Variants in ASB3 observed in about 807,000 individuals in gnomAD.
ASB3 encodes the protein ankyrin repeat and SOCS box containing 3, also known as ankyrin repeat and SOCS box protein 3.
Under a neutral mutation model 54.5 loss-of-function variants are expected in ASB3, and 41 were observed. That is an observed-to-expected ratio of 0.75 (90% CI 0.59 to 0.98). ASB3 has a LOEUF of 0.98. Among genes scored for constraint, ASB3 ranks in the 50% least tolerant of loss-of-function variants. The pLI is 0.00. For synonymous variants in ASB3, 266 were observed against 221.2 expected (o/e 1.20, Z -1.80); for missense variants, 733 against 620.0 (o/e 1.18, Z -1.94).
chr2:53,724,414 C>T (rs548372017), intron 5 of ASB3, among the ~76,000 whole-genome samples: 102 of 152,050 alleles, frequency 6.7e-4, no homozygotes, highest in African/African-American at 2.0e-3. Flanking sequence ...CTGGCTAACA[C>T]GGTGAAAACC....
In ASB3 at chr2:53,671,845, A is replaced by G. The variant is rs1483702546; in HGVS notation, c.1370-1155T>C. 4.3e-5 allele frequency among the ~76,000 whole-genome samples: 5 copies of G among 116,380 alleles called. 1 individual carries two copies. The highest frequency in any genetic ancestry group is 1.0e-4 in the Non-Finnish European group (5 of 49,640). The allele number at this position is 116,380 out of a possible 152,430, so 76.3% of individuals were successfully genotyped here. On this transcript the variant is annotated intron_variant, in intron 9 of 9. Transcript: ENST00000263634. ...AATAAAGAAGTTAATGTCTGCTTTT[A>G]TGTGAATCGGACCAAAGCCTTTTGT...
chr2:53,685,613 T>C (rs538583281), intron 9 of ASB3, among the ~76,000 whole-genome samples: 1 of 152,290 alleles, frequency 6.6e-6, no homozygotes, highest in Admixed American at 6.5e-5. Context: ...TCCAAAGAAA[T>C]ATATGTGGTA....
At position 53,710,038 on chromosome 2, in the gene ASB3, C is replaced by T. The variant is rs572703728; in HGVS notation, c.980+4346G>A. 4.3e-4 allele frequency among the ~76,000 whole-genome samples: 65 copies of T among 152,292 alleles called. 1 individual carries two copies. The South Asian group carries it at 4.6e-3, about 11-fold the overall frequency. On this transcript the variant is annotated intron_variant, in intron 7 of 9. Transcript: ENST00000263634. ...TCAGTGAGCCTCTGTGGAAGTTGAT[C>T]CCCTGGCTCCTGTCAAGCTTGCTAA... is the stretch of plus-strand genomic sequence containing the variant.
At chr2:53,680,380 T>C (rs1433596814) in intron 9 of ASB3, among the ~76,000 whole-genome samples, 1 of 152,196 alleles carries the variant, frequency 6.6e-6, no homozygotes, top group African/African-American at 2.4e-5. Flanking sequence ...AGTGTTTCTT[T>C]TTCTATGCAA....
At chr2:53,700,683 A>C (rs1304328461) in intron 7 of ASB3, 155 bp from the exon 8 acceptor site, 2 of 1,166,264 alleles carry the variant, frequency 1.7e-6, no homozygotes, top group Non-Finnish European at 2.3e-6. Flanking sequence ...AGATTAGAGA[A>C]TGTGGTGGGG....
At chr2:53,747,745 G>T (rs1324919341) in intron 3 of ASB3, among the ~76,000 whole-genome samples, 1 of 152,088 alleles carries the variant, frequency 6.6e-6, no homozygotes, top group South Asian at 2.1e-4. Flanking sequence ...CTAGTTAAGG[G>T]GGCAGTAAAT....
chr2:53,692,179 G>A (rs1407579225), intron 9 of ASB3, among the ~76,000 whole-genome samples: 1 of 152,112 alleles, frequency 6.6e-6, no homozygotes, highest in East Asian at 1.9e-4. Context: ...TCACCCCTAT[G>A]CTATGGATGA....
chr2:53,738,500 T>G (rs1671763966), intron 3 of ASB3, among the ~76,000 whole-genome samples: 1 of 152,170 alleles, frequency 6.6e-6, no homozygotes, highest in Non-Finnish European at 1.5e-5. Context: ...AAACTTCAAG[T>G]GTTCAAGAGC....
chr2:53,714,709 T>G, intron 6 of ASB3, 128 bp from the exon 7 acceptor site: 1 of 903,036 alleles, frequency 1.1e-6, no homozygotes, highest in Non-Finnish European at 1.7e-6. Flanking sequence ...CTGTCTAGGG[T>G]GTACCTTCTA....
At chr2:53,715,053 C>T (rs1371329261) in intron 6 of ASB3, among the ~76,000 whole-genome samples, 1 of 151,804 alleles carries the variant, frequency 6.6e-6, no homozygotes, top group Admixed American at 6.6e-5. Flanking sequence ...TGATAACTGG[C>T]ATGAAATTAA....
rs188336558 is a variant in ASB3 at position 53,671,431 on chromosome 2, C to T, written c.1370-741G>A. 2.0e-5 allele frequency among the ~76,000 whole-genome samples: 3 copies of T among 148,760 alleles called. No individual in the cohort carries two copies. The Admixed American group carries it at 2.0e-4, about 10-fold the overall frequency. ...AGGCAGTGCAGCCAAAAGCTAACTA[C>T]CAATTAAAGGACAATTCAAATGCAC... On this transcript the variant is annotated intron_variant, in intron 9 of 9. Coordinates refer to ENST00000263634, the MANE Select transcript of ASB3 (RefSeq NM_016115.5).
intron 9 of ASB3, among the ~76,000 whole-genome samples, chr2:53,686,664 A>G (rs1263573474): frequency 1.3e-5 from 1 of 74,526 alleles, no homozygotes; most frequent in Non-Finnish European, 2.8e-5. Flanking sequence ...AGAACATGTA[A>G]AAAAAAACAC....
chr2:53,698,395 T>C (rs901790808), intron 8 of ASB3, among the ~76,000 whole-genome samples: 2 of 152,204 alleles, frequency 1.3e-5, no homozygotes, highest in African/African-American at 4.8e-5. Context: ...CTTTCATTCT[T>C]TTCCACACAG....
At chr2:53,709,972 C>A (rs751871693) in intron 7 of ASB3, among the ~76,000 whole-genome samples, 1 of 152,142 alleles carries the variant, frequency 6.6e-6, no homozygotes, top group Non-Finnish European at 1.5e-5. Context: ...AGAGAGAAAC[C>A]GAGGTTTCCT....
chr2:53,745,671 G>A (rs1051452419), intron 3 of ASB3, among the ~76,000 whole-genome samples: 9 of 152,146 alleles, frequency 5.9e-5, no homozygotes, highest in African/African-American at 2.2e-4. Flanking sequence ...ATATTCTATA[G>A]CCTCTAGCAA....
chr2:53,758,192 C>T (rs1167671279), intron 2 of ASB3, among the ~76,000 whole-genome samples: 3 of 152,174 alleles, frequency 2.0e-5, no homozygotes, highest in East Asian at 3.9e-4. Context: ...TAAACAAGGG[C>T]GTAGCCTGAA....
rs529440866 is a variant in ASB3 at position 53,700,464 on chromosome 2, A to C, written c.1045T>G (p.Leu349Val). The C allele has an allele frequency of 1.2e-6, 2 of 1,614,134 alleles. No homozygotes were observed. Among genetic ancestry groups the C allele is most frequent in the South Asian group, 1.1e-5 (1 of 91,082 alleles). ...TTCTCGTACTTCAGGCAGTATGCCA[A>C]ATGAAGTTCATTTATCTGGGCTCCA... ...KYGAQINELH[L>V]AYCLKYEKFS... Residue 349 changes from leucine (L) to valine (V), a missense_variant, in exon 8 of 10, where the codon TTG becomes GTG. By Grantham distance (32) the Leu-to-Val change is conservative. Coordinates refer to ENST00000263634, the MANE Select transcript of ASB3 (RefSeq NM_016115.5).
chr2:53,739,603 A>G (rs565956945), intron 3 of ASB3, among the ~76,000 whole-genome samples: 1 of 152,280 alleles, frequency 6.6e-6, no homozygotes, highest in South Asian at 2.1e-4. Flanking sequence ...TATAAACACA[A>G]TTTTGTACCA....
intron 3 of ASB3, among the ~76,000 whole-genome samples, chr2:53,743,082 T>C (rs1383919327): frequency 6.6e-6 from 1 of 152,152 alleles, no homozygotes; most frequent in African/African-American, 2.4e-5. Context: ...AGGAAAGGGA[T>C]GTAATTCAAG....
Sources: allele counts gnomAD v4.1 joint callset (sites outside exome capture counted in the v4.1 genomes callset), GRCh38; gene constraint gnomAD v4.1.1; transcripts MANE v1.5; gene names NCBI Gene and HGNC (gene_info 2026-07-23, HGNC 2026-07-21).